BAHD1: variants seen among roughly 807,000 people sequenced by gnomAD.
BAHD1 encodes bromo adjacent homology domain-containing 1 protein.
In BAHD1, 20 loss-of-function variants were observed where a neutral mutation model predicts 63.1. The ratio of observed to expected loss-of-function variants is 0.32; its 90% CI spans 0.22 to 0.46. The LOEUF is 0.46. Ranked by LOEUF, BAHD1 falls within the 20% of genes least tolerant of loss-of-function variation. The pLI is 1.00. For missense variants in BAHD1, 939 were observed against 1,071.8 expected (o/e 0.88, Z 1.73); for synonymous variants, 408 against 426.8 (o/e 0.96, Z 0.54).
upstream of BAHD1, among the ~76,000 whole-genome samples, chr15:40,440,211 G>C (rs774389507): frequency 2.0e-5 from 3 of 151,996 alleles, no homozygotes; most frequent in Non-Finnish European, 4.4e-5. Flanking sequence ...GGGGGCGGTA[G>C]GTGAAGGGCA....
At position 40,441,080 on chromosome 15, in the gene BAHD1, C is replaced by T. The variant is rs1021192114; in HGVS notation, c.-203C>T. 1 of 146,508 alleles carries T rather than the reference C, an allele frequency of 6.8e-6. No individual in the cohort carries two copies. The highest frequency in any genetic ancestry group is 1.9e-4 in the South Asian group (1 of 5,320). The allele number at this position is 146,508 out of a possible 1,614,324, so 9.1% of individuals were successfully genotyped here. A position where few individuals can be genotyped will look rare whatever the true frequency, so the allele number is the denominator to read the frequency against. ...GCCCGCCCCGGCCAGGCGCGCCCGC[C>T]CCCCCCGACGGCCCCGCCCGGCCGC... On this transcript the variant is annotated 5_prime_UTR_variant, in exon 1 of 7. Transcript: ENST00000416165.
rs557924020 is a variant in BAHD1, at chr15:40,460,060, G to A, written c.1432+164G>A. On this transcript the variant is annotated intron_variant, in intron 2 of 6. Transcript: ENST00000416165. ...ACTCCCGTAGTCTGTGCCCCAAGCC[G>A]AGGAGCATTCCCAAGAACAGGGCCC... Among the ~76,000 whole-genome samples the A allele has an allele frequency of 2.6e-5, 4 of 152,270 alleles. No individual in the cohort carries two copies. The South Asian group carries it at 6.2e-4, about 24-fold the overall frequency.
At chr15:40,442,567 C>T (rs894474596) in intron 1 of BAHD1, among the ~76,000 whole-genome samples, 15 of 152,108 alleles carry the variant, frequency 9.9e-5, no homozygotes, top group East Asian at 1.9e-4. Flanking sequence ...AAGTCTAACC[C>T]CACCTGGGAC....
rs777730689 is a variant in BAHD1 at position 40,467,992 on chromosome 15, A to G, written c.*1862A>G. ...CTTTTGAAATCTCTTAGATGTGGAAATATTTTTTCGAACCTGAAAATGCAG... is the reference window on the plus strand; with the variant it reads ...CTTTTGAAATCTCTTAGATGTGGAAGTATTTTTTCGAACCTGAAAATGCAG... On this transcript the variant is annotated 3_prime_UTR_variant, in exon 7 of 7. Transcript: ENST00000416165. 8.5e-5 allele frequency: 13 copies of G among 152,648 alleles called. No homozygotes were observed. Among genetic ancestry groups the G allele is most frequent in the Non-Finnish European group, 1.8e-4 (12 of 68,046 alleles). 9.5% of individuals were successfully genotyped at this position (152,648 alleles called of 1,614,324 possible). A position where few individuals can be genotyped will look rare whatever the true frequency, so the allele number is the denominator to read the frequency against.
At chr15:40,460,713 G>A (rs573064855) in intron 2 of BAHD1, among the ~76,000 whole-genome samples, 1 of 152,302 alleles carries the variant, frequency 6.6e-6, no homozygotes, top group East Asian at 1.9e-4. Flanking sequence ...AATGAGACAT[G>A]CTGGCCAGCA....
chr15:40,459,194 G>T lies in BAHD1; in HGVS notation c.730G>T (p.Ala244Ser). ...GRSTEPPAPK[A>S]PRPKWPKVNG... ...CTCCACTGAGCCCCCAGCACCCAAG[G>T]CCCCGAGGCCAAAGTGGCCCAAGGT... The change falls in exon 2 of 7, where the codon GCC becomes TCC. Residue 244 changes from alanine to serine, a missense_variant. Physicochemically the swap from Ala to Ser is moderately conservative, Grantham distance 99. Transcript: ENST00000416165. 6.2e-7 allele frequency: 1 copy of T among 1,612,210 alleles called. No individual in the cohort carries two copies. The highest frequency in any genetic ancestry group is 1.1e-5 in the South Asian group (1 of 90,984).
intron 1 of BAHD1, among the ~76,000 whole-genome samples, chr15:40,441,551 G>A (rs1349766703): frequency 2.0e-5 from 3 of 149,936 alleles, no homozygotes; most frequent in South Asian, 4.1e-4. Flanking sequence ...AGCCCCCGGG[G>A]GCCGCCCGCC....
rs999775149 is a variant in BAHD1, at chr15:40,441,749, C to A, written c.-15+481C>A. Among the ~76,000 whole-genome samples, 3 of 150,138 alleles carry A rather than the reference C, an allele frequency of 2.0e-5. No individual in the cohort carries two copies. In the East Asian group the frequency reaches 5.9e-4, roughly 30 times the overall value. On this transcript the variant is annotated intron_variant, in intron 1 of 6. Coordinates refer to ENST00000416165, the MANE Select transcript of BAHD1 (RefSeq NM_014952.5). ...GCGCCCCCTCCCCCATCGCGGTCCC[C>A]GAGGCAAGGGGCCGCGGCCGGGGGC... is the stretch of plus-strand genomic sequence containing the variant.
intron 1 of BAHD1, among the ~76,000 whole-genome samples, chr15:40,446,779 C>T (rs1024847300): frequency 6.6e-6 from 1 of 152,122 alleles, no homozygotes; most frequent in Non-Finnish European, 1.5e-5. Flanking sequence ...GTGCTTTGAC[C>T]TCCTGTCTTT....
At chr15:40,439,312 G>A (rs936713608), upstream of BAHD1, among the ~76,000 whole-genome samples, 5 of 152,222 alleles carry the variant, frequency 3.3e-5, no homozygotes, top group Admixed American at 6.5e-5. Flanking sequence ...AGCTAAGACA[G>A]TCTGGGCCCC....
upstream of BAHD1, among the ~76,000 whole-genome samples, chr15:40,438,581 C>G (rs1021639845): frequency 1.3e-5 from 2 of 152,136 alleles, no homozygotes; most frequent in African/African-American, 4.8e-5. Context: ...ACTTGGTGGG[C>G]TGTCATGACT....
chr15:40,457,144 AGAGG>A (rs1893872555), intron 1 of BAHD1, among the ~76,000 whole-genome samples: 1 of 152,200 alleles, frequency 6.6e-6, no homozygotes, highest in South Asian at 2.1e-4. Flanking sequence ...CTGCCTACAA[AGAGG>A]GAGAACCGAG....
At chr15:40,439,266 T>G (rs1245278521), upstream of BAHD1, among the ~76,000 whole-genome samples, 2 of 152,234 alleles carry the variant, frequency 1.3e-5, no homozygotes, top group Non-Finnish European at 2.9e-5. Context: ...CTTTCCCTGC[T>G]GAGGGGGCCC....
intron 4 of BAHD1, 185 bp from the exon 5 acceptor site, chr15:40,464,286 C>T: frequency 3.1e-6 from 2 of 655,276 alleles, no homozygotes; most frequent in Non-Finnish European, 5.3e-6. Context: ...CCTTCTCCCC[C>T]TTCTCCCTCC....
chr15:40,437,652 G>A (rs1319480023), upstream of BAHD1, among the ~76,000 whole-genome samples: 1 of 152,222 alleles, frequency 6.6e-6, no homozygotes, highest in African/African-American at 2.4e-5. Context: ...CCACTTCCAG[G>A]AAAGAAGGTG....
upstream of BAHD1, among the ~76,000 whole-genome samples, chr15:40,439,363 G>A (rs1286751339): frequency 1.3e-5 from 2 of 152,228 alleles, no homozygotes; most frequent in Admixed American, 6.5e-5. Context: ...GCTTCTGGGG[G>A]AGGTTGTTTC....
At chr15:40,463,337 T>G (rs1425969391) in intron 3 of BAHD1, among the ~76,000 whole-genome samples, 2 of 152,154 alleles carry the variant, frequency 1.3e-5, no homozygotes, top group Non-Finnish European at 2.9e-5. Context: ...TACATAAAAT[T>G]TATTGAGCAC....
In BAHD1 at chr15:40,466,144, A is replaced by G. The variant is rs1894198167; in HGVS notation, c.*14A>G. 6.2e-7 allele frequency: 1 copy of G among 1,607,644 alleles called. No homozygotes were observed. Among genetic ancestry groups the G allele is most frequent in the African/African-American group, 1.3e-5 (1 of 74,882 alleles). ...AACCCCCAGTAGCCTCCTCATGCCC[A>G]TGCTGGGGCTACCCATGGGCAAGTG... On this transcript the variant is annotated 3_prime_UTR_variant, in exon 7 of 7. Coordinates refer to ENST00000416165, the MANE Select transcript of BAHD1 (RefSeq NM_014952.5).
chr15:40,467,287 T>C lies in BAHD1; in HGVS notation c.*1157T>C, dbSNP rs188691405. 2.3e-3 allele frequency: 357 copies of C among 152,970 alleles called. 5 individuals are homozygous for C. Among genetic ancestry groups the C allele is most frequent in the South Asian group, 6.2e-4 (3 of 4,832 alleles). 9.5% of individuals were successfully genotyped at this position (152,970 alleles called of 1,614,324 possible). A position where few individuals can be genotyped will look rare whatever the true frequency, so the allele number is the denominator to read the frequency against. On this transcript the variant is annotated 3_prime_UTR_variant, in exon 7 of 7. Coordinates refer to ENST00000416165, the MANE Select transcript of BAHD1 (RefSeq NM_014952.5). ...CAGGCTCAGTCCCCTGTTGTCCTTGTGGAGACTAGGCCTTGGCCCTGGCCC... is the reference window on the plus strand; with the variant it reads ...CAGGCTCAGTCCCCTGTTGTCCTTGCGGAGACTAGGCCTTGGCCCTGGCCC...
Sources: gnomAD v4.1 joint callset for allele counts (sites outside exome capture counted in the v4.1 genomes callset) on GRCh38, gnomAD v4.1.1 for gene constraint, MANE v1.5 for transcripts, NCBI Gene and HGNC (gene_info 2026-07-23, HGNC 2026-07-21) for gene names.